Variants in DMD observed in about 807,000 individuals in gnomAD.
The protein encoded by DMD is dystrophin.
DMD carries 63 observed loss-of-function variants against 330.1 expected under a neutral mutation model. That is an observed-to-expected ratio of 0.19 (90% CI 0.16 to 0.24). The LOEUF is 0.24. DMD is among the 10% of genes least tolerant of loss of function. The pLI is 1.00. For synonymous variants in DMD, 1,223 were observed against 959.8 expected, an observed-to-expected ratio of 1.27 and a Z score of -5.07; for missense variants, 3,344 against 2,684.1, an observed-to-expected ratio of 1.25 and a Z score of -5.43.
intron 1 of DMD, among the ~76,000 whole-genome samples, chrX:33,331,608 C>T (rs1379671050): frequency 9.0e-6 from 1 of 111,502 alleles, no homozygotes; most frequent in Non-Finnish European, 1.9e-5. Context: ...CAAATTGCAA[C>T]ATAATGTCAA....
rs771110742 is a variant in DMD, at chrX:32,107,197, G to A, written c.6438+109719C>T. On this transcript the variant is annotated intron_variant, in intron 44 of 78. Transcript: ENST00000357033. ...CTATGAGTTGATCATTAATGATTAGGAAAAAGAGCCAGGATGGAGGATTAC... is the reference window on the plus strand; with the variant it reads ...CTATGAGTTGATCATTAATGATTAGAAAAAAGAGCCAGGATGGAGGATTAC... Among the ~76,000 whole-genome samples the A allele has an allele frequency of 2.5e-4, 28 of 110,657 alleles. No homozygotes were observed. The South Asian group carries it at 9.7e-3, about 38-fold the overall frequency.
intron 2 of DMD, among the ~76,000 whole-genome samples, chrX:32,927,368 T>C (rs1271909656): frequency 3.1e-4 from 4 of 12,856 alleles, no homozygotes; most frequent in Non-Finnish European, 4.8e-4. Flanking sequence ...TCTTTCTTTT[T>C]TTTTTTTTTT....
rs749572753 is a variant in DMD at position 31,617,534 on chromosome X, C to CAAA, written c.8217+10136_8217+10138dup. Among the ~76,000 whole-genome samples, 27 of 32,028 alleles carry CAAA rather than the reference C, an allele frequency of 8.4e-4. 4 individuals are homozygous for CAAA. The highest frequency in any genetic ancestry group is 6.6e-3 in the East Asian group (4 of 602). The allele number at this position is 32,028 out of a possible 115,157, so 27.8% of individuals were successfully genotyped here. On this transcript the variant is annotated intron_variant, in intron 55 of 78. Coordinates refer to ENST00000357033, the MANE Select transcript of DMD (RefSeq NM_004006.3). ...GGGGGACAAGAGCGAGACTTCGTCT[C>CAAA]AAAAAAAAAAAAAAAAAAAAAAAAA...
At chrX:32,682,680 A>C (rs1007892403) in intron 9 of DMD, among the ~76,000 whole-genome samples, 3 of 112,026 alleles carry the variant, frequency 2.7e-5, no homozygotes, top group Admixed American at 1.9e-4. Context: ...TGACAACATA[A>C]ATTTAGCAGT....
chrX:31,261,638 C>G (rs756073450), intron 62 of DMD: 6 of 112,608 alleles, frequency 5.3e-5, no homozygotes, highest in Non-Finnish European at 9.3e-5. Flanking sequence ...ACGCTATACA[C>G]CACTACACCT....
chrX:31,482,305 T>C (rs1163471646), intron 57 of DMD, among the ~76,000 whole-genome samples: 1 of 109,636 alleles, frequency 9.1e-6, no homozygotes, highest in Non-Finnish European at 1.9e-5. Context: ...AAAGCTAACA[T>C]TCCTTCCACA....
chrX:32,323,568 T>C (rs1312233449), intron 41 of DMD, among the ~76,000 whole-genome samples: 1 of 111,396 alleles, frequency 9.0e-6, no homozygotes, highest in African/African-American at 3.3e-5. Context: ...TAATGAGGAG[T>C]TGACTAAGTA....
chrX:31,914,345 T>C (rs2094582820), intron 47 of DMD, among the ~76,000 whole-genome samples: 1 of 111,574 alleles, frequency 9.0e-6, no homozygotes. Context: ...AAAGTAAAAA[T>C]AGAGCTTCCC....
chrX:32,878,327 G>A (rs766139309), intron 2 of DMD, among the ~76,000 whole-genome samples: 2 of 111,658 alleles, frequency 1.8e-5, no homozygotes, highest in Non-Finnish European at 3.8e-5. Flanking sequence ...GCAGTGAGCC[G>A]AGATTGCTCC....
chrX:32,772,272 C>T (rs901823061), intron 7 of DMD, among the ~76,000 whole-genome samples: 1 of 112,661 alleles, frequency 8.9e-6, no homozygotes, highest in Non-Finnish European at 1.9e-5. Flanking sequence ...GATGAATCTC[C>T]TTTGGAGGGC....
At chrX:32,963,203 C>A (rs2091974069) in intron 2 of DMD, among the ~76,000 whole-genome samples, 1 of 111,784 alleles carries the variant, frequency 8.9e-6, no homozygotes. Context: ...AGACAGTTCA[C>A]ATGCACACGA....
chrX:32,102,287 G>A (rs1449104099), intron 44 of DMD: 1 of 111,600 alleles, frequency 9.0e-6, no homozygotes, highest in African/African-American at 3.3e-5. Flanking sequence ...GGACTTAGAC[G>A]AATTCTTTCA....
intron 49 of DMD, among the ~76,000 whole-genome samples, chrX:31,831,791 AT>A (rs1025826474): frequency 9.0e-6 from 1 of 111,393 alleles, no homozygotes; most frequent in African/African-American, 3.3e-5. Flanking sequence ...TTTAGTAGAG[AT>A]GGGGTTTCAC....
At position 32,708,115 on chromosome X, in the gene DMD, C is replaced by CA. The variant is rs764405487; in HGVS notation, c.650-8823dup. Reference sequence around the variant, plus strand: ...AGTGTTAGAAGTTATACTTGATACACAGTGAGGCCAGAATAAAGATGTTTA... The same window carrying CA: ...AGTGTTAGAAGTTATACTTGATACACAAGTGAGGCCAGAATAAAGATGTTTA... On this transcript the variant is annotated intron_variant, in intron 7 of 78. Coordinates refer to ENST00000357033, the MANE Select transcript of DMD (RefSeq NM_004006.3). Among the ~76,000 whole-genome samples, 6 of 111,657 alleles carry CA rather than the reference C, an allele frequency of 5.4e-5. No individual in the cohort carries two copies. The South Asian group carries it at 1.9e-3, about 35-fold the overall frequency.
chrX:33,113,784 G>T (rs920364886), intron 1 of DMD, among the ~76,000 whole-genome samples: 2 of 111,136 alleles, frequency 1.8e-5, no homozygotes, highest in Admixed American at 1.9e-4. Flanking sequence ...AAGATCAGTT[G>T]TCACATGTAC....
intron 55 of DMD, among the ~76,000 whole-genome samples, chrX:31,577,811 T>C (rs1464802641): frequency 9.0e-6 from 1 of 111,731 alleles, no homozygotes; most frequent in Non-Finnish European, 1.9e-5. Context: ...TCAAACTACA[T>C]GGATTCCCTG....
chrX:31,845,553 G>C (rs956465701), intron 48 of DMD, among the ~76,000 whole-genome samples: 1 of 110,350 alleles, frequency 9.1e-6, no homozygotes, highest in African/African-American at 3.3e-5. Flanking sequence ...CGGCAGATTG[G>C]AGGCAAGATT....
intron 9 of DMD, among the ~76,000 whole-genome samples, chrX:32,679,294 A>C (rs188134755): frequency 9.0e-6 from 1 of 111,663 alleles, no homozygotes. Context: ...TAAATAAAAT[A>C]GAAACTAGAA....
At chrX:31,503,116 G>C (rs1020361643) in intron 56 of DMD, among the ~76,000 whole-genome samples, 15 of 111,997 alleles carry the variant, frequency 1.3e-4, no homozygotes, top group African/African-American at 4.8e-4. Flanking sequence ...ATTAAATTAT[G>C]AGATAGGATT....
Sources: gnomAD v4.1 joint callset for allele counts (sites outside exome capture counted in the v4.1 genomes callset) on GRCh38, gnomAD v4.1.1 for gene constraint, MANE v1.5 for transcripts, NCBI Gene and HGNC (gene_info 2026-07-23, HGNC 2026-07-21) for gene names.